Variants in GNB1 observed in about 807,000 individuals in gnomAD.
GNB1 encodes guanine nucleotide-binding protein G(I)/G(S)/G(T) subunit beta-1.
Under a neutral mutation model 42.9 loss-of-function variants are expected in GNB1, and 2 were observed. That is an observed-to-expected ratio of 0.05 (90% CI 0.02 to 0.15). The LOEUF is 0.15. Ranked by LOEUF, GNB1 falls within the 10% of genes least tolerant of loss-of-function variation. The pLI is 1.00. For missense variants in GNB1, 193 were observed against 462.2 expected, an observed-to-expected ratio of 0.42 and a Z score of 5.34; for synonymous variants, 183 against 174.7, an observed-to-expected ratio of 1.05 and a Z score of -0.38.
intron 3 of GNB1, among the ~76,000 whole-genome samples, chr1:1,819,335 G>A (rs538145688): frequency 6.0e-5 from 9 of 151,192 alleles, no homozygotes; most frequent in South Asian, 2.1e-4. Flanking sequence ...GATTCTTCCC[G>A]TCTCAGCCTC....
intron 5 of GNB1, among the ~76,000 whole-genome samples, chr1:1,814,007 G>A (rs530495921): frequency 3.3e-5 from 5 of 152,244 alleles, no homozygotes; most frequent in Admixed American, 3.3e-4. Context: ...TACTCTCCGT[G>A]CTGTGTGGCA....
At chr1:1,791,567 G>GT (rs1190569516) in intron 8 of GNB1, among the ~76,000 whole-genome samples, 10 of 152,216 alleles carry the variant, frequency 6.6e-5, no homozygotes, top group African/African-American at 2.4e-4. Context: ...TGGCTCAGGT[G>GT]TAAGGACAGC....
chr1:1,846,311 A>T (rs1046463281), intron 1 of GNB1, among the ~76,000 whole-genome samples: 1 of 152,170 alleles, frequency 6.6e-6, no homozygotes, highest in Non-Finnish European at 1.5e-5. Context: ...TCATGTCTGT[A>T]ATCTCAGCAG....
intron 1 of GNB1, among the ~76,000 whole-genome samples, chr1:1,863,646 T>C (rs1648750600): frequency 6.6e-6 from 1 of 152,224 alleles, no homozygotes; most frequent in African/African-American, 2.4e-5. Context: ...GGACTCACTC[T>C]TCATCCACAA....
intron 3 of GNB1, among the ~76,000 whole-genome samples, chr1:1,822,657 T>C (rs1646947088): frequency 6.6e-6 from 1 of 152,126 alleles, no homozygotes; most frequent in Non-Finnish European, 1.5e-5. Context: ...ATGTGGGGAA[T>C]GTCACGTGAC....
intron 1 of GNB1, among the ~76,000 whole-genome samples, chr1:1,858,095 C>A (rs568712183): frequency 6.6e-6 from 1 of 152,282 alleles, no homozygotes; most frequent in African/African-American, 2.4e-5. Flanking sequence ...TTACAGTCCC[C>A]AAAACACACA....
intron 2 of GNB1, among the ~76,000 whole-genome samples, chr1:1,828,197 T>C (rs1647025248): frequency 6.6e-6 from 1 of 152,148 alleles, no homozygotes; most frequent in East Asian, 1.9e-4. Context: ...GGTGTGTGCC[T>C]GTAATCCCAG....
intron 1 of GNB1, among the ~76,000 whole-genome samples, chr1:1,859,020 A>C (rs868449649): frequency 2.0e-4 from 29 of 148,542 alleles, no homozygotes; most frequent in Admixed American, 1.1e-3. Context: ...ATGGGTATTT[A>C]TTTTCTTTTT....
At chr1:1,797,394 T>C (rs1031557731) in intron 7 of GNB1, among the ~76,000 whole-genome samples, 2 of 152,180 alleles carry the variant, frequency 1.3e-5, no homozygotes, top group African/African-American at 4.8e-5. Flanking sequence ...GATGGAATTA[T>C]AGGGTCTCCC....
At chr1:1,843,327 C>G (rs1440730294) in intron 1 of GNB1, among the ~76,000 whole-genome samples, 1 of 152,156 alleles carries the variant, frequency 6.6e-6, no homozygotes, top group Non-Finnish European at 1.5e-5. Context: ...TAAGGTGATC[C>G]TCCTGCCTCA....
chr1:1,872,790 G>A (rs1474085089), intron 1 of GNB1, among the ~76,000 whole-genome samples: 1 of 152,084 alleles, frequency 6.6e-6, no homozygotes, highest in African/African-American at 2.4e-5. Flanking sequence ...TCTCCCCACA[G>A]AGAATGAACC....
Position 1,817,843 on chromosome 1 carries a change from G to A in GNB1, c.90C>T (p.Leu30=). The change falls in exon 4 of 12, where the codon CTC becomes CTT. Residue 30 remains leucine (L), a synonymous_variant. Coordinates refer to ENST00000378609, the MANE Select transcript of GNB1 (RefSeq NM_002074.5). ...TGACTCAGTGGGCTCTTACCTGAGA[G>A]AGAGTTGCATCTGCACATGCTTTCC... ...DARKACADAT[L]SQITNNIDPV... 1 of 1,611,694 alleles carries A rather than the reference G, an allele frequency of 6.2e-7. No individual in the cohort carries two copies. The highest frequency in any genetic ancestry group is 1.7e-4 in the Middle Eastern group (1 of 6,060).
chr1:1,831,624 T>C (rs1283416303), intron 2 of GNB1, among the ~76,000 whole-genome samples: 1 of 151,944 alleles, frequency 6.6e-6, no homozygotes, highest in African/African-American at 2.4e-5. Context: ...AATTTTTGTA[T>C]TTTTAGTAGA....
At chr1:1,805,336 T>C (rs753253242) in intron 6 of GNB1, among the ~76,000 whole-genome samples, 30 of 149,944 alleles carry the variant, frequency 2.0e-4, no homozygotes, top group Admixed American at 6.7e-4. Flanking sequence ...GGTGGGCGCC[T>C]GTAATCCCAG....
intron 2 of GNB1, among the ~76,000 whole-genome samples, chr1:1,828,884 CAT>C (rs1339165743): frequency 7.9e-6 from 1 of 126,540 alleles, no homozygotes; most frequent in Non-Finnish European, 1.8e-5. Context: ...TACACACACA[CAT>C]ACACACATAC....
chr1:1,856,974 G>C (rs930654207), intron 1 of GNB1, among the ~76,000 whole-genome samples: 1 of 152,216 alleles, frequency 6.6e-6, no homozygotes, highest in African/African-American at 2.4e-5. Flanking sequence ...GGTATATGGA[G>C]AGCATACTCT....
chr1:1,811,858 G>T (rs942890158), intron 5 of GNB1, among the ~76,000 whole-genome samples: 1 of 151,810 alleles, frequency 6.6e-6, no homozygotes, highest in Non-Finnish European at 1.5e-5. Context: ...GAGGTCAGGA[G>T]ATCGAGACCA....
Position 1,790,718 on chromosome 1 carries a change from A to C in GNB1, c.498-122T>G. The C allele has an allele frequency of 1.5e-6, 1 of 646,196 alleles. No individual in the cohort carries two copies. 40.0% of individuals were successfully genotyped at this position (646,196 alleles called of 1,614,324 possible). On this transcript the variant is annotated intron_variant, in intron 8 of 11. Coordinates refer to ENST00000378609, the MANE Select transcript of GNB1 (RefSeq NM_002074.5). The surrounding 1 kb of genome is among the most constrained non-coding windows in gnomAD (Gnocchi z 5.4). ...CAGTGAGCCTCTGCACTGTTACTTT[A>C]AAAACGTAAATTGTTTAAAGACAAA...
chr1:1,843,701 A>T (rs1032469928), intron 1 of GNB1, among the ~76,000 whole-genome samples: 1 of 152,156 alleles, frequency 6.6e-6, no homozygotes, highest in Non-Finnish European at 1.5e-5. Flanking sequence ...CTGACTATCC[A>T]GCTCATAGAA....
Sources: allele counts gnomAD v4.1 joint callset (sites outside exome capture counted in the v4.1 genomes callset), GRCh38; gene constraint gnomAD v4.1.1; non-coding constraint Gnocchi (gnomAD v3.1); transcripts MANE v1.5; gene names NCBI Gene and HGNC (gene_info 2026-07-23, HGNC 2026-07-21).